Variants in VWA8 observed in about 807,000 individuals in gnomAD.
VWA8 encodes von Willebrand factor A domain containing 8, also known as von Willebrand factor A domain-containing protein 8.
Under a neutral mutation model 241.5 loss-of-function variants are expected in VWA8, and 221 were observed. That is an observed-to-expected ratio of 0.91 (90% CI 0.82 to 1.02). VWA8 has a LOEUF of 1.02. Among genes scored for constraint, VWA8 ranks in the 50% least tolerant of loss-of-function variants. The pLI, the probability that VWA8 is intolerant of heterozygous loss-of-function variation, is 0.00. For missense variants in VWA8, 2,322 were observed against 2,328.7 expected (o/e 1.00, Z 0.06); for synonymous variants, 852 against 827.1 (o/e 1.03, Z -0.52).
At chr13:41,873,360 C>CA (rs1206200839) in intron 9 of VWA8, among the ~76,000 whole-genome samples, 4 of 151,782 alleles carry the variant, frequency 2.6e-5, no homozygotes, top group Non-Finnish European at 5.9e-5. Flanking sequence ...AATTGAGACA[C>CA]AAAAAAATCC....
At chr13:41,915,065 G>A (rs1876187419) in intron 2 of VWA8, among the ~76,000 whole-genome samples, 1 of 152,168 alleles carries the variant, frequency 6.6e-6, no homozygotes, top group Admixed American at 6.5e-5. Context: ...AAGTGCTGAT[G>A]TTTAGGAATA....
chr13:41,808,645 T>C (rs1870330074), intron 17 of VWA8, among the ~76,000 whole-genome samples: 1 of 152,022 alleles, frequency 6.6e-6, no homozygotes, highest in South Asian at 2.1e-4. Context: ...ATCCAACCCA[T>C]ATCAATACTG....
In VWA8 at chr13:41,699,146, G is replaced by A. The variant is rs536230770; in HGVS notation, c.3489C>T (p.Gly1163=). 6.7e-5 allele frequency: 108 copies of A among 1,614,058 alleles called. No individual in the cohort carries two copies. The highest frequency in any genetic ancestry group is 2.4e-4 in the South Asian group (22 of 91,068). The change falls in exon 29 of 45, where the codon GGC becomes GGT. Residue 1163 remains glycine (G), a synonymous_variant. Transcript: ENST00000379310. ...FFDIFPRTAN[G]VWHPFVTVAP... ...CCACTGTCACAAAAGGGTGCCAAACGCCATTGGCTGTTCTTGGGAAGATAT... is the reference window on the plus strand; with the variant it reads ...CCACTGTCACAAAAGGGTGCCAAACACCATTGGCTGTTCTTGGGAAGATAT...
At chr13:41,714,459 T>C (rs1021175099) in intron 26 of VWA8, among the ~76,000 whole-genome samples, 1 of 152,056 alleles carries the variant, frequency 6.6e-6, no homozygotes, top group Non-Finnish European at 1.5e-5. Context: ...GAAAAACACA[T>C]GAAGGTAACT....
rs1200133751 is a variant in VWA8 at position 41,570,546 on chromosome 13, A to C, written c.5531T>G (p.Phe1844Cys). 1.9e-6 allele frequency: 3 copies of C among 1,614,102 alleles called. No individual in the cohort carries two copies. The highest frequency in any genetic ancestry group is 2.5e-6 in the Non-Finnish European group (3 of 1,180,048). ...AGGGTCTCTTGTGAGGATTTGAGCAAACTTAGCAGGATGTATTCCATATCG... is the reference window on the plus strand; with the variant it reads ...AGGGTCTCTTGTGAGGATTTGAGCACACTTAGCAGGATGTATTCCATATCG... ...LSRYGIHPAK[F>C]AQILTRDPQV... The change falls in exon 44 of 45, where the codon TTT becomes TGT. Residue 1844 changes from phenylalanine to cysteine, a missense_variant. Physicochemically the swap from Phe to Cys is radical, Grantham distance 205. Coordinates refer to ENST00000379310, the MANE Select transcript of VWA8 (RefSeq NM_015058.2).
chr13:41,960,889 C>A lies in VWA8; in HGVS notation c.127G>T (p.Val43Phe). The A allele has an allele frequency of 6.6e-7, 1 of 1,515,026 alleles. No homozygotes were observed. The allele number at this position is 1,515,026 out of a possible 1,614,324, so 93.8% of individuals were successfully genotyped here. The change falls in exon 1 of 45, where the codon GTC (valine) becomes TTC (phenylalanine). Residue 43 changes from valine to phenylalanine, a missense_variant. Transcript: ENST00000379310. ...CCCGAGCCGGCGTGCAACAGTCTGACCTCCGGCCGCTGCCTGTCGCCACCC... is the reference window on the plus strand; with the variant it reads ...CCCGAGCCGGCGTGCAACAGTCTGAACTCCGGCCGCTGCCTGTCGCCACCC... ...RPGGDRQRPE[V>F]RLLHAGSGAD...
chr13:41,840,862 G>A (rs942427846), intron 12 of VWA8, among the ~76,000 whole-genome samples: 1 of 151,964 alleles, frequency 6.6e-6, no homozygotes, highest in Non-Finnish European at 1.5e-5. Context: ...TTTGTTTCAT[G>A]GGTCAGGTCA....
In VWA8 at chr13:41,819,396, G is replaced by A; in HGVS notation, c.1701-10C>T. 3.2e-6 allele frequency: 5 copies of A among 1,578,010 alleles called. No individual in the cohort carries two copies. Among genetic ancestry groups the A allele is most frequent in the Admixed American group, 2.1e-5 (1 of 48,218 alleles). Reference sequence around the variant, plus strand: ...GATAGGAAAAATGGATCTAAAATAGGAAAAAAAATGAAAAAAAATAACATA... The same window carrying A: ...GATAGGAAAAATGGATCTAAAATAGAAAAAAAAATGAAAAAAAATAACATA... On this transcript the variant is annotated splice_polypyrimidine_tract_variant and intron_variant, in intron 14 of 44. Coordinates refer to ENST00000379310, the MANE Select transcript of VWA8 (RefSeq NM_015058.2).
At chr13:41,777,939 T>G (rs542609628) in intron 20 of VWA8, 46 bp downstream of exon 20, 1 of 1,479,020 alleles carries the variant, frequency 6.8e-7, no homozygotes, top group Admixed American at 1.9e-5. Flanking sequence ...TTTTAAATTG[T>G]TACTATCATT....
chr13:41,846,500 T>C (rs984005871), intron 12 of VWA8, among the ~76,000 whole-genome samples: 1 of 152,224 alleles, frequency 6.6e-6, no homozygotes, highest in Non-Finnish European at 1.5e-5. Flanking sequence ...TGGCACCTAA[T>C]GGTTATTTAA....
chr13:41,579,252 C>T (rs1010146807), intron 42 of VWA8, among the ~76,000 whole-genome samples: 18 of 152,136 alleles, frequency 1.2e-4, no homozygotes, highest in African/African-American at 4.1e-4. Flanking sequence ...TATAAATACA[C>T]CATTCTCATT....
intron 28 of VWA8, among the ~76,000 whole-genome samples, chr13:41,701,089 T>C (rs1265908439): frequency 6.6e-6 from 1 of 152,236 alleles, no homozygotes; most frequent in African/African-American, 2.4e-5. Flanking sequence ...AACCCAATGT[T>C]TCTCCTTTTT....
At chr13:41,933,698 A>C (rs574593062) in intron 2 of VWA8, among the ~76,000 whole-genome samples, 1 of 152,196 alleles carries the variant, frequency 6.6e-6, no homozygotes, top group South Asian at 2.1e-4. Context: ...CTACAAAGGC[A>C]ATTCAGTGAA....
chr13:41,812,691 C>G (rs2137976155), intron 16 of VWA8, among the ~76,000 whole-genome samples: 1 of 152,212 alleles, frequency 6.6e-6, no homozygotes, highest in African/African-American at 2.4e-5. Flanking sequence ...AGTATTCTAT[C>G]TCAGCTACAA....
intron 12 of VWA8, among the ~76,000 whole-genome samples, chr13:41,843,297 A>G (rs1005712897): frequency 2.0e-5 from 3 of 152,184 alleles, no homozygotes; most frequent in Admixed American, 2.0e-4. Context: ...TTTATCACAA[A>G]TGTTAGACTC....
chr13:41,697,535 G>C (rs34147940), intron 29 of VWA8, among the ~76,000 whole-genome samples: 12 of 152,166 alleles, frequency 7.9e-5, no homozygotes, highest in African/African-American at 2.9e-4. Context: ...GCTGTGTGGG[G>C]GTGTGAGATG....
rs1227672887 is a variant in VWA8, at chr13:41,692,924, G to C, written c.3613C>G (p.Leu1205Val). 4.3e-6 allele frequency: 7 copies of C among 1,611,328 alleles called. No individual in the cohort carries two copies. Among genetic ancestry groups the C allele is most frequent in the Non-Finnish European group, 5.9e-6 (7 of 1,178,352 alleles). ...LDTTGRALHRLILPSEKFTSK... is the reference protein window; with the variant it reads ...LDTTGRALHRVILPSEKFTSK... ...GTAAACTTCTCGGAAGGGAGGATGA[G>C]ACGATGAAGGGCCCGGCCAGTAGTA... is the stretch of plus-strand genomic sequence containing the variant. Residue 1205 changes from leucine to valine, a missense_variant, in exon 30 of 45, where the codon CTC becomes GTC. Transcript: ENST00000379310.
At chr13:41,667,693 C>T (rs2044995739) in intron 37 of VWA8, among the ~76,000 whole-genome samples, 1 of 152,154 alleles carries the variant, frequency 6.6e-6, no homozygotes, top group Admixed American at 6.6e-5. Flanking sequence ...GCTTTAACAG[C>T]TTTCTTGGAA....
chr13:41,612,802 G>C (rs988745859), intron 38 of VWA8, among the ~76,000 whole-genome samples: 5 of 152,126 alleles, frequency 3.3e-5, no homozygotes, highest in Non-Finnish European at 7.4e-5. Flanking sequence ...AGTTAAACCA[G>C]ACTGCCTGGG....
Sources: allele counts gnomAD v4.1 joint callset (sites outside exome capture counted in the v4.1 genomes callset), GRCh38; gene constraint gnomAD v4.1.1; transcripts MANE v1.5; gene names NCBI Gene and HGNC (gene_info 2026-07-23, HGNC 2026-07-21).